The following KCNH8 variants were observed in gnomAD, a reference collection of about 807,000 sequenced individuals.
KCNH8 encodes voltage-gated delayed rectifier potassium channel KCNH8.
KCNH8 carries 70 observed loss-of-function variants against 103.6 expected under a neutral mutation model. The observed-to-expected ratio is 0.68, with a 90% confidence interval of 0.56 to 0.82. The LOEUF is 0.82. KCNH8 is among the 40% of genes least tolerant of loss of function. The pLI is 0.00. For synonymous variants in KCNH8, 498 were observed against 489.4 expected (o/e 1.02, Z -0.23); for missense variants, 1,217 against 1,329.9 (o/e 0.92, Z 1.32).
intron 5 of KCNH8, among the ~76,000 whole-genome samples, chr3:19,373,250 T>A (rs1408837368): frequency 1.3e-5 from 2 of 152,080 alleles, no homozygotes; most frequent in Admixed American, 6.5e-5. Context: ...CTGGACTCTT[T>A]TTGGTTGGTA....
intron 7 of KCNH8, among the ~76,000 whole-genome samples, chr3:19,397,594 TG>T (rs2066543150): frequency 6.6e-6 from 1 of 151,298 alleles, no homozygotes; most frequent in African/African-American, 2.4e-5. Context: ...TATGGGTCAG[TG>T]TCCACATAAA....
At chr3:19,242,729 A>C (rs1450480097) in intron 1 of KCNH8, among the ~76,000 whole-genome samples, 1 of 152,140 alleles carries the variant, frequency 6.6e-6, no homozygotes, top group Non-Finnish European at 1.5e-5. Flanking sequence ...TTTAAAATGA[A>C]GGTCACCAGG....
rs534617287 is a variant in KCNH8 at position 19,207,652 on chromosome 3, A to C, written c.77-46002A>C. Among the ~76,000 whole-genome samples the C allele has an allele frequency of 5.9e-5, 9 of 152,154 alleles. No individual in the cohort carries two copies. In the South Asian group the frequency reaches 1.9e-3, roughly 32 times the overall value. ...TCTCACGAATAGACATTCCAGGGCTATATTTTTATGACGTTCCTTTTCATA... is the reference window on the plus strand; with the variant it reads ...TCTCACGAATAGACATTCCAGGGCTCTATTTTTATGACGTTCCTTTTCATA... On this transcript the variant is annotated intron_variant, in intron 1 of 15. Transcript: ENST00000328405.
At chr3:19,186,696 GGCAGATGTTAC>G (rs555148264) in intron 1 of KCNH8, among the ~76,000 whole-genome samples, 45 of 152,070 alleles carry the variant, frequency 3.0e-4, no homozygotes, top group Non-Finnish European at 5.0e-4. Context: ...AAGGGAACTA[GGCAGATGTTAC>G]GAAGTTCAAA....
At chr3:19,196,679 G>T (rs56386711) in intron 1 of KCNH8, among the ~76,000 whole-genome samples, 10,159 of 151,982 alleles carry the variant, frequency 0.067, 389 homozygotes, top group East Asian at 0.17. Context: ...TTTCTCCGCC[G>T]TGGAAGAACC....
At chr3:19,206,274 T>C (rs1282954343) in intron 1 of KCNH8, among the ~76,000 whole-genome samples, 1 of 130,746 alleles carries the variant, frequency 7.6e-6, no homozygotes, top group Admixed American at 7.2e-5. Context: ...TATCTATCTA[T>C]ATACATCACA....
At chr3:19,361,526 A>T (rs1296122277) in intron 5 of KCNH8, among the ~76,000 whole-genome samples, 1 of 152,152 alleles carries the variant, frequency 6.6e-6, no homozygotes, top group East Asian at 1.9e-4. Flanking sequence ...TAGTTTGCCG[A>T]TTCTCAGAGG....
intron 2 of KCNH8, among the ~76,000 whole-genome samples, chr3:19,275,636 C>T (rs1160226281): frequency 2.0e-5 from 3 of 152,136 alleles, no homozygotes; most frequent in African/African-American, 7.2e-5. Context: ...TTACTTTCAT[C>T]TCTTAGTATA....
chr3:19,284,550 T>A (rs1026462445), intron 3 of KCNH8, among the ~76,000 whole-genome samples: 3 of 145,476 alleles, frequency 2.1e-5, no homozygotes, highest in Non-Finnish European at 4.5e-5. Context: ...TGTGTGTGTG[T>A]GTGAGGGAGA....
At chr3:19,200,190 A>C (rs2063643227) in intron 1 of KCNH8, among the ~76,000 whole-genome samples, 1 of 152,046 alleles carries the variant, frequency 6.6e-6, no homozygotes. Flanking sequence ...AGTGGTGAAA[A>C]AAGTAAAGTT....
At chr3:19,181,151 TGAAA>T (rs1158028709) in intron 1 of KCNH8, among the ~76,000 whole-genome samples, 2 of 152,198 alleles carry the variant, frequency 1.3e-5, no homozygotes, top group African/African-American at 4.8e-5. Flanking sequence ...ATACTGATAC[TGAAA>T]GAGTTTATCC....
intron 11 of KCNH8, among the ~76,000 whole-genome samples, chr3:19,507,460 G>T (rs1352540278): frequency 6.6e-6 from 1 of 152,134 alleles, no homozygotes; most frequent in Non-Finnish European, 1.5e-5. Flanking sequence ...TCTCCTTATG[G>T]TGTGTAGTGT....
rs538616666 is a variant in KCNH8, at chr3:19,237,528, C to A, written c.77-16126C>A. On this transcript the variant is annotated intron_variant, in intron 1 of 15. Coordinates refer to ENST00000328405, the MANE Select transcript of KCNH8 (RefSeq NM_144633.3). ...ATACCTGAGTATTAAAGGGCAACTG[C>A]AGTGGGCACATGCATTGAATATTAG... is the stretch of plus-strand genomic sequence containing the variant. Among the ~76,000 whole-genome samples the A allele has an allele frequency of 2.4e-4, 37 of 152,330 alleles. 1 individual carries two copies. The South Asian group carries it at 7.7e-3, about 32-fold the overall frequency.
At chr3:19,275,398 C>T (rs374530494) in intron 2 of KCNH8, among the ~76,000 whole-genome samples, 1 of 151,988 alleles carries the variant, frequency 6.6e-6, no homozygotes, top group South Asian at 2.1e-4. Context: ...GTCTACCCCC[C>T]ACGCTGCCCT....
chr3:19,476,325 A>G (rs534523756), intron 11 of KCNH8, among the ~76,000 whole-genome samples: 1 of 152,338 alleles, frequency 6.6e-6, no homozygotes, highest in South Asian at 2.1e-4. Context: ...CTTCCTAGGC[A>G]GCAAATTAGG....
chr3:19,488,308 C>T (rs528258492), intron 11 of KCNH8, among the ~76,000 whole-genome samples: 54 of 152,348 alleles, frequency 3.5e-4, no homozygotes, highest in African/African-American at 1.3e-3. Flanking sequence ...CCTTAATGGC[C>T]GCGGCCAGTA....
intron 7 of KCNH8, among the ~76,000 whole-genome samples, chr3:19,404,161 G>A (rs1158347713): frequency 6.6e-6 from 1 of 151,852 alleles, no homozygotes; most frequent in African/African-American, 2.4e-5. Flanking sequence ...CTATCCTGTT[G>A]CTTTTTCTGT....
rs553703642 is a variant in KCNH8 at position 19,433,011 on chromosome 3, T to G, written c.1178-5153T>G. On this transcript the variant is annotated intron_variant, in intron 7 of 15. Coordinates refer to ENST00000328405, the MANE Select transcript of KCNH8 (RefSeq NM_144633.3). ...TTGTTTGCTTGTCTTTTGTTTTTTT[T>G]GGGGGGTTTTTTTGTACACATGATG... Among the ~76,000 whole-genome samples the G allele has an allele frequency of 1.7e-3, 266 of 152,230 alleles. 2 individuals are homozygous for G. Among genetic ancestry groups the G allele is most frequent in the Admixed American group, 3.1e-3 (47 of 15,292 alleles).
In KCNH8 at chr3:19,450,270, A is replaced by G; in HGVS notation, c.1540A>G (p.Thr514Ala). 1 of 1,613,548 alleles carries G rather than the reference A, an allele frequency of 6.2e-7. No homozygotes were observed. Among genetic ancestry groups the G allele is most frequent in the Non-Finnish European group, 8.5e-7 (1 of 1,179,658 alleles). The change falls in exon 9 of 16, where the codon ACC (threonine) becomes GCC (alanine). Residue 514 changes from threonine to alanine, a missense_variant. Thr to Ala is a moderately conservative substitution (Grantham distance 58). Coordinates refer to ENST00000328405, the MANE Select transcript of KCNH8 (RefSeq NM_144633.3). ...KQRMLEYFQTTWSVNNGIDSN... is the reference protein window; with the variant it reads ...KQRMLEYFQTAWSVNNGIDSN... The stretch of plus-strand genomic sequence containing the variant: ...GAGGATGCTCGAATATTTTCAAACA[A>G]CCTGGTCAGTCAACAATGGAATAGA...
Sources: gnomAD v4.1 joint callset for allele counts (sites outside exome capture counted in the v4.1 genomes callset) on GRCh38, gnomAD v4.1.1 for gene constraint, MANE v1.5 for transcripts, NCBI Gene and HGNC (gene_info 2026-07-23, HGNC 2026-07-21) for gene names.